The following SGO2 variants were observed in gnomAD, a reference collection of about 807,000 sequenced individuals.
SGO2 encodes the protein shugoshin-like 2.
A neutral mutation model predicts 99.5 loss-of-function variants in SGO2; 68 were observed. The ratio of observed to expected loss-of-function variants is 0.68; its 90% confidence interval spans 0.56 to 0.84. SGO2 has a LOEUF of 0.84. Ranked by LOEUF, SGO2 falls within the 40% of genes least tolerant of loss-of-function variation. SGO2 has a pLI of 0.00. For synonymous variants in SGO2, 457 were observed against 487.1 expected, an observed-to-expected ratio of 0.94 and a Z score of 0.81; for missense variants, 1,350 against 1,436.7, an observed-to-expected ratio of 0.94 and a Z score of 0.97.
At chr2:200,529,595 C>T (rs917919427) in intron 1 of SGO2, among the ~76,000 whole-genome samples, 3 of 152,200 alleles carry the variant, frequency 2.0e-5, no homozygotes, top group Non-Finnish European at 2.9e-5. Flanking sequence ...TGATCTCACT[C>T]AGCTCACTGC....
In SGO2 at chr2:200,571,186, G is replaced by C. The variant is rs745570678; in HGVS notation, c.840G>C (p.Trp280Cys). The C allele has an allele frequency of 7.4e-6, 12 of 1,613,566 alleles. No individual in the cohort carries two copies. The Admixed American group carries it at 1.3e-4, about 18-fold the overall frequency. Reference protein sequence around the residue: ...VTERKKRGSSWESNNLSADTP... With the variant: ...VTERKKRGSSCESNNLSADTP... ...AAAGGAAGAAGCGTGGGTCATCTTG[G>C]GAATCAAATAATCTTTCTGCAGACA... The change falls in exon 7 of 9, where the codon TGG (tryptophan) becomes TGC (cysteine). Residue 280 changes from tryptophan (W) to cysteine (C), a missense_variant. By Grantham distance (215) the Trp-to-Cys change is radical. Coordinates refer to ENST00000357799, the MANE Select transcript of SGO2 (RefSeq NM_152524.6).
chr2:200,533,134 A>G (rs915968404), intron 2 of SGO2, 26 bp downstream of exon 2: 11 of 1,531,780 alleles, frequency 7.2e-6, no homozygotes, highest in Non-Finnish European at 9.6e-6. Flanking sequence ...TTTAAAATAC[A>G]CTCACGTTTT....
chr2:200,567,992 G>A (rs1475457742), intron 5 of SGO2, among the ~76,000 whole-genome samples: 2 of 152,258 alleles, frequency 1.3e-5, no homozygotes, highest in East Asian at 3.9e-4. Flanking sequence ...GAATTGCTGG[G>A]TCATCTGGTA....
In SGO2 at chr2:200,572,317, C is replaced by T. The variant is rs780369697; in HGVS notation, c.1971C>T (p.Ile657=). ...AAACCCAAGAGGATAAAGAACCTAT[C>T]TCTGAAAACATAGAAGTTTCCAAAG... ...FFKTQEDKEP[I]SENIEVSKEL... is the part of the protein sequence containing the mutation. Residue 657 remains isoleucine, a synonymous_variant, in exon 7 of 9, where the codon ATC becomes ATT. Coordinates refer to ENST00000357799, the MANE Select transcript of SGO2 (RefSeq NM_152524.6). 6.2e-7 allele frequency: 1 copy of T among 1,608,758 alleles called. No homozygotes were observed. Among genetic ancestry groups the T allele is most frequent in the Admixed American group, 1.7e-5 (1 of 58,872 alleles).
At chr2:200,555,202 C>G (rs1366829589) in intron 5 of SGO2, among the ~76,000 whole-genome samples, 1 of 152,122 alleles carries the variant, frequency 6.6e-6, no homozygotes, top group Non-Finnish European at 1.5e-5. Flanking sequence ...AGGCATTACA[C>G]TTTTTACTTT....
Position 200,572,296 on chromosome 2 carries a change from C to T in SGO2, c.1950C>T (p.Thr650=). The T allele has an allele frequency of 6.2e-7, 1 of 1,609,194 alleles. No individual in the cohort carries two copies. The highest frequency in any genetic ancestry group is 1.3e-5 in the African/African-American group (1 of 74,402). The change falls in exon 7 of 9, where the codon ACC becomes ACT. Residue 650 remains threonine, a synonymous_variant. Coordinates refer to ENST00000357799, the MANE Select transcript of SGO2 (RefSeq NM_152524.6). ...GLKKGNFFFK[T]QEDKEPISEN... ...AAAAAGGTAATTTTTTTTTCAAAAC[C>T]CAAGAGGATAAAGAACCTATCTCTG...
At chr2:200,535,631 C>G (rs2031655997) in intron 3 of SGO2, among the ~76,000 whole-genome samples, 1 of 151,972 alleles carries the variant, frequency 6.6e-6, no homozygotes, top group African/African-American at 2.4e-5. Flanking sequence ...CAGTGAGAGC[C>G]AATGATTAGC....
At position 200,536,719 on chromosome 2, in the gene SGO2, TACTATTTAACAGACTA is replaced by T. The variant is rs1192801023; in HGVS notation, c.387+581_387+596del. 2.0e-5 allele frequency among the ~76,000 whole-genome samples: 3 copies of T among 152,270 alleles called. No individual in the cohort carries two copies. In the East Asian group the frequency reaches 5.8e-4, roughly 29 times the overall value. ...TTCTTGGTAGCTACCTTCTTGAACT[TACTATTTAACAGACTA>T]ACTTTTGCATACCAAGCTTTAAAAT... On this transcript the variant is annotated intron_variant, in intron 4 of 8. Transcript: ENST00000357799.
At chr2:200,568,712 C>A (rs1276302319) in intron 5 of SGO2, among the ~76,000 whole-genome samples, 2 of 152,160 alleles carry the variant, frequency 1.3e-5, no homozygotes, top group African/African-American at 4.8e-5. Context: ...CCAGCTGAGG[C>A]TGTAAAACAA....
intron 4 of SGO2, 47 bp from the exon 5 acceptor site, chr2:200,542,532 T>C (rs761302259): frequency 1.4e-6 from 2 of 1,448,224 alleles, no homozygotes; most frequent in Admixed American, 1.9e-5. Context: ...ACTAACATGA[T>C]TTAATAAGGT....
At chr2:200,545,880 C>T (rs1011185551) in intron 5 of SGO2, among the ~76,000 whole-genome samples, 2 of 152,136 alleles carry the variant, frequency 1.3e-5, no homozygotes, top group African/African-American at 2.4e-5. Flanking sequence ...AGAAATATCC[C>T]GGAGGACAGG....
chr2:200,551,967 T>C (rs554520939), intron 5 of SGO2, among the ~76,000 whole-genome samples: 4 of 152,340 alleles, frequency 2.6e-5, no homozygotes, highest in African/African-American at 9.6e-5. Flanking sequence ...TCTTTGCATT[T>C]ACACTTGAAT....
intron 5 of SGO2, among the ~76,000 whole-genome samples, chr2:200,568,767 G>A (rs549832871): frequency 1.3e-4 from 20 of 152,210 alleles, no homozygotes; most frequent in Admixed American, 1.0e-3. Context: ...CCCTTCGCTA[G>A]CTCTCTACTT....
At position 200,570,511 on chromosome 2, in the gene SGO2, G is replaced by GTGT. The variant is rs1425864320; in HGVS notation, c.704-539_704-538insTGT. On this transcript the variant is annotated intron_variant, in intron 6 of 8. Transcript: ENST00000357799. This position sits in a 1 kb window ranked among gnomAD's most constrained non-coding sequence, Gnocchi z 4.4. Reference sequence around the variant, plus strand: ...GTGTGTGTGTGTGTGTGTGTGTGTGGGCATATGTATATGTATATAATATAT... The same window carrying GTGT: ...GTGTGTGTGTGTGTGTGTGTGTGTGGTGTGCATATGTATATGTATATAATATAT... 1.8e-3 allele frequency among the ~76,000 whole-genome samples: 119 copies of GTGT among 66,634 alleles called. No individual in the cohort carries two copies. The highest frequency in any genetic ancestry group is 3.5e-3 in the Non-Finnish European group (102 of 29,266). The allele number at this position is 66,634 out of a possible 152,430, so 43.7% of individuals were successfully genotyped here.
In SGO2 at chr2:200,573,285, A is replaced by G. The variant is rs774227976; in HGVS notation, c.2939A>G (p.Tyr980Cys). The G allele has an allele frequency of 7.5e-6, 12 of 1,606,708 alleles. No individual in the cohort carries two copies. The highest frequency in any genetic ancestry group is 4.5e-5 in the South Asian group (4 of 88,874). The change falls in exon 7 of 9, where the codon TAC becomes TGC. Residue 980 changes from tyrosine (Y) to cysteine (C), a missense_variant. Transcript: ENST00000357799. ...KESCDQILDS[Y>C]KVVKKRKKES... is the part of the protein sequence containing the mutation. ...AGTTGTGATCAAATTTTAGATTCCT[A>G]CAAAGTAGTTAAAAAACGTAAGAAA...
rs373642907 is a variant in SGO2, at chr2:200,527,086, T to A, written c.-3+834T>A. Among the ~76,000 whole-genome samples the A allele has an allele frequency of 1.5e-3, 232 of 152,334 alleles. 1 individual carries two copies. Among genetic ancestry groups the A allele is most frequent in the African/African-American group, 5.2e-3 (218 of 41,588 alleles). ...CTATCATAATGTCTCAGTGTCTATA[T>A]GGTAAATCACCCTGGAACAGTACCC... is the stretch of plus-strand genomic sequence containing the variant. On this transcript the variant is annotated intron_variant, in intron 1 of 8. Coordinates refer to ENST00000357799, the MANE Select transcript of SGO2 (RefSeq NM_152524.6).
At position 200,544,699 on chromosome 2, in the gene SGO2, C is replaced by CTATCTA. The variant is rs2032130385; in HGVS notation, c.473+2037_473+2042dup. Among the ~76,000 whole-genome samples the CTATCTA allele has an allele frequency of 2.0e-5, 3 of 151,472 alleles. No homozygotes were observed. The South Asian group carries it at 6.3e-4, about 32-fold the overall frequency. On this transcript the variant is annotated intron_variant, in intron 5 of 8. Coordinates refer to ENST00000357799, the MANE Select transcript of SGO2 (RefSeq NM_152524.6). Reference sequence around the variant, plus strand: ...GAGTAGAATTACTTGGGAGATCTATCTATCTATCTATCTATCTATCTATCT... The same window carrying CTATCTA: ...GAGTAGAATTACTTGGGAGATCTATCTATCTATATCTATCTATCTATCTATCTATCT...
rs2033615054 is a variant in SGO2 at position 200,575,333 on chromosome 2, G to C, written c.3654G>C (p.Leu1218Phe). The change falls in exon 8 of 9, where the codon TTG becomes TTC. Residue 1218 changes from leucine to phenylalanine, a missense_variant. Physicochemically the swap from Leu to Phe is conservative, Grantham distance 22. Coordinates refer to ENST00000357799, the MANE Select transcript of SGO2 (RefSeq NM_152524.6). ...SGIGDRPLQD[L>F]SNTSFVSNNT... ...CAGGTGATAGACCATTACAGGACTTGTCAAATACCAGTTTTGTTTCAAATA... is the reference window on the plus strand; with the variant it reads ...CAGGTGATAGACCATTACAGGACTTCTCAAATACCAGTTTTGTTTCAAATA... 6.2e-7 allele frequency: 1 copy of C among 1,601,460 alleles called. No individual in the cohort carries two copies. Among genetic ancestry groups the C allele is most frequent in the Non-Finnish European group, 8.5e-7 (1 of 1,172,590 alleles).
In SGO2 at chr2:200,533,201, T is replaced by C. The variant is rs2031504193; in HGVS notation, c.133+93T>C. ...ACCTTATTTTATCAAGTACAGAAAA[T>C]TACTAAAATGACCATTTTGTTAACT... On this transcript the variant is annotated intron_variant, in intron 2 of 8. Transcript: ENST00000357799. The C allele has an allele frequency of 4.4e-6, 6 of 1,348,372 alleles. No homozygotes were observed. The African/African-American group carries it at 7.5e-5, about 17-fold the overall frequency. 83.5% of individuals were successfully genotyped at this position (1,348,372 alleles called of 1,614,324 possible).
Sources: allele counts gnomAD v4.1 joint callset (sites outside exome capture counted in the v4.1 genomes callset), GRCh38; gene constraint gnomAD v4.1.1; non-coding constraint Gnocchi (gnomAD v3.1); transcripts MANE v1.5; gene names NCBI Gene and HGNC (gene_info 2026-07-23, HGNC 2026-07-21).